Variants in LRMDA observed in about 807,000 individuals in gnomAD.
LRMDA encodes leucine rich melanocyte differentiation associated.
A neutral mutation model predicts 29.8 loss-of-function variants in LRMDA; 18 were observed. That is an observed-to-expected ratio of 0.60 (90% CI 0.42 to 0.90). The LOEUF is 0.90. Ranked by LOEUF, LRMDA falls within the 40% of genes least tolerant of loss-of-function variation. The pLI is 0.00. For missense variants in LRMDA, 273 were observed against 273.9 expected, an observed-to-expected ratio of 1.00 and a Z score of 0.02; for synonymous variants, 125 against 109.4, an observed-to-expected ratio of 1.14 and a Z score of -0.89.
chr10:75,846,728 C>T (rs144255405), intron 2 of LRMDA, among the ~76,000 whole-genome samples: 3 of 151,948 alleles, frequency 2.0e-5, no homozygotes, highest in Non-Finnish European at 4.4e-5. Flanking sequence ...ACAAACCCCC[C>T]ACCACCAACA....
intron 2 of LRMDA, among the ~76,000 whole-genome samples, chr10:75,698,058 T>C (rs1480164189): frequency 1.3e-5 from 2 of 152,168 alleles, no homozygotes; most frequent in South Asian, 2.1e-4. Context: ...AACTAAGTTA[T>C]GGAATATAAT....
chr10:76,035,113 C>G (rs1216526108), intron 2 of LRMDA, among the ~76,000 whole-genome samples: 3 of 147,154 alleles, frequency 2.0e-5, no homozygotes, highest in Non-Finnish European at 4.5e-5. Flanking sequence ...TTTTTTTTTC[C>G]TGGAGCCGGG....
At chr10:75,538,478 T>A (rs1244572490) in intron 2 of LRMDA, among the ~76,000 whole-genome samples, 1 of 152,202 alleles carries the variant, frequency 6.6e-6, no homozygotes, top group Non-Finnish European at 1.5e-5. Context: ...GTGGCAGTGT[T>A]GTCTCTTATG....
Position 75,727,513 on chromosome 10 carries a change from A to G in LRMDA, c.131+289019A>G, listed in dbSNP as rs546012439. On this transcript the variant is annotated intron_variant, in intron 2 of 6. Coordinates refer to ENST00000611255, the MANE Select transcript of LRMDA (RefSeq NM_001305581.2). ...GCTTTATTTGCAGTAAGATATGCATATGCTTATCGCTTGCTTTTATTTTCT... is the reference window on the plus strand; with the variant it reads ...GCTTTATTTGCAGTAAGATATGCATGTGCTTATCGCTTGCTTTTATTTTCT... Among the ~76,000 whole-genome samples the G allele has an allele frequency of 2.0e-5, 3 of 152,354 alleles. No individual in the cohort carries two copies. In the South Asian group the frequency reaches 6.2e-4, roughly 32 times the overall value.
chr10:76,049,526 A>G (rs1448139780), intron 4 of LRMDA, among the ~76,000 whole-genome samples: 1 of 152,162 alleles, frequency 6.6e-6, no homozygotes, highest in Non-Finnish European at 1.5e-5. Context: ...TATTCATTTA[A>G]TCTCTTTATT....
chr10:75,649,617 A>T (rs1306528079), intron 2 of LRMDA, among the ~76,000 whole-genome samples: 1 of 152,212 alleles, frequency 6.6e-6, no homozygotes, highest in Non-Finnish European at 1.5e-5. Flanking sequence ...TGTAAACATT[A>T]GTGCACAGAT....
At chr10:76,224,280 A>G (rs1355479280) in intron 5 of LRMDA, among the ~76,000 whole-genome samples, 2 of 151,994 alleles carry the variant, frequency 1.3e-5, no homozygotes, top group African/African-American at 2.4e-5. Context: ...TGAAAAAAAA[A>G]AAAGAATGGG....
At chr10:76,333,852 T>TATA (rs1436744269) in intron 6 of LRMDA, among the ~76,000 whole-genome samples, 2 of 152,146 alleles carry the variant, frequency 1.3e-5, no homozygotes, top group Non-Finnish European at 2.9e-5. Flanking sequence ...GAATACTGAT[T>TATA]ATATTTCAGG....
chr10:75,516,217 C>T (rs748639872), intron 2 of LRMDA, among the ~76,000 whole-genome samples: 40 of 152,244 alleles, frequency 2.6e-4, no homozygotes, highest in Middle Eastern at 3.4e-3. Flanking sequence ...TGGGTATATA[C>T]CCAGTAATGG....
intron 2 of LRMDA, among the ~76,000 whole-genome samples, chr10:75,582,777 T>C (rs1840610798): frequency 6.6e-6 from 1 of 152,258 alleles, no homozygotes; most frequent in Non-Finnish European, 1.5e-5. Context: ...TATGCTCTGC[T>C]TTCCCTTTAA....
At chr10:75,836,593 T>A (rs1283732011) in intron 2 of LRMDA, among the ~76,000 whole-genome samples, 1 of 152,290 alleles carries the variant, frequency 6.6e-6, no homozygotes, top group Non-Finnish European at 1.5e-5. Flanking sequence ...TGTGTTTTTT[T>A]AAAAGAGGAA....
Position 76,021,097 on chromosome 10 carries a change from G to A in LRMDA, c.132-14911G>A, listed in dbSNP as rs1279149924. Among the ~76,000 whole-genome samples, 3 of 152,216 alleles carry A rather than the reference G, an allele frequency of 2.0e-5. No homozygotes were observed. The East Asian group carries it at 5.8e-4, about 29-fold the overall frequency. On this transcript the variant is annotated intron_variant, in intron 2 of 6. Coordinates refer to ENST00000611255, the MANE Select transcript of LRMDA (RefSeq NM_001305581.2). ...TCACAGAGCTTAATTAATTGTCAAG[G>A]AGACAAGAGTAAGATACCTGGGACA...
At chr10:76,222,669 G>A (rs922952063) in intron 5 of LRMDA, among the ~76,000 whole-genome samples, 8 of 152,194 alleles carry the variant, frequency 5.3e-5, no homozygotes, top group Non-Finnish European at 8.8e-5. Flanking sequence ...CACTGTTGGT[G>A]GGACTGTAAA....
At chr10:76,031,513 A>G (rs529181918) in intron 2 of LRMDA, among the ~76,000 whole-genome samples, 25 of 152,208 alleles carry the variant, frequency 1.6e-4, no homozygotes, top group African/African-American at 5.3e-4. Flanking sequence ...ATGAGGCAGT[A>G]CCGAGCCCTC....
At chr10:75,656,709 G>A (rs1389035299) in intron 2 of LRMDA, among the ~76,000 whole-genome samples, 1 of 152,148 alleles carries the variant, frequency 6.6e-6, no homozygotes, top group Non-Finnish European at 1.5e-5. Context: ...GCTTTTGTGA[G>A]CAGGTATCTC....
intron 6 of LRMDA, among the ~76,000 whole-genome samples, chr10:76,537,791 G>T (rs891216324): frequency 2.0e-5 from 3 of 151,996 alleles, no homozygotes; most frequent in Non-Finnish European, 4.4e-5. Flanking sequence ...TTCAAGTGTG[G>T]ACATCTTGAG....
intron 2 of LRMDA, among the ~76,000 whole-genome samples, chr10:76,030,492 T>G (rs563277262): frequency 6.6e-6 from 1 of 152,264 alleles, no homozygotes; most frequent in African/African-American, 2.4e-5. Context: ...CAGGACTAGG[T>G]AAACAAATTA....
chr10:75,434,908 C>G (rs767819500), intron 1 of LRMDA, among the ~76,000 whole-genome samples: 11 of 152,364 alleles, frequency 7.2e-5, no homozygotes, highest in African/African-American at 1.4e-4. Context: ...CTGCAGTCTT[C>G]TGCAGTTTGG....
intron 2 of LRMDA, among the ~76,000 whole-genome samples, chr10:75,603,962 G>T (rs532803776): frequency 6.8e-4 from 104 of 152,276 alleles, no homozygotes; most frequent in Middle Eastern, 6.8e-3. Flanking sequence ...AGCTTTCTAA[G>T]CAGTGTGGGA....
Sources: allele counts gnomAD v4.1 joint callset (sites outside exome capture counted in the v4.1 genomes callset), GRCh38; gene constraint gnomAD v4.1.1; transcripts MANE v1.5; gene names NCBI Gene and HGNC (gene_info 2026-07-23, HGNC 2026-07-21).